The following CPED1 variants were observed in gnomAD, a reference collection of about 807,000 sequenced individuals.
CPED1 encodes the protein cadherin like and PC-esterase domain containing 1, also known as cadherin-like and PC-esterase domain-containing protein 1.
CPED1 carries 114 observed loss-of-function variants against 128.2 expected under a neutral mutation model. That is an observed-to-expected ratio of 0.89 (90% CI 0.76 to 1.04). The LOEUF is 1.04. Ranked by LOEUF, CPED1 falls within the 50% of genes least tolerant of loss-of-function variation. The probability of loss-of-function intolerance (pLI) is 0.00; values close to 1 mark genes in which losing one functional copy is unlikely to be tolerated. For synonymous variants in CPED1, 462 were observed against 426.7 expected (o/e 1.08, Z -1.02); for missense variants, 1,211 against 1,207.1 (o/e 1.00, Z -0.05).
chr7:121,100,950 C>CT (rs1389697438), intron 7 of CPED1, among the ~76,000 whole-genome samples: 1 of 152,024 alleles, frequency 6.6e-6, no homozygotes, highest in African/African-American at 2.4e-5. Flanking sequence ...AGTATGCTTT[C>CT]TTTTTCTCCT....
intron 3 of CPED1, among the ~76,000 whole-genome samples, chr7:121,036,838 G>T (rs1792908717): frequency 6.6e-6 from 1 of 152,100 alleles, no homozygotes; most frequent in Non-Finnish European, 1.5e-5. Context: ...CATTCTTGCA[G>T]GAGTGAGGTG....
intron 2 of CPED1, among the ~76,000 whole-genome samples, chr7:121,006,908 A>T (rs146917795): frequency 1.3e-5 from 2 of 152,174 alleles, no homozygotes; most frequent in African/African-American, 4.8e-5. Flanking sequence ...ATTTAGGAGA[A>T]GCAGAAAAGG....
chr7:121,136,679 G>A (rs1795792038), intron 14 of CPED1, among the ~76,000 whole-genome samples: 1 of 152,038 alleles, frequency 6.6e-6, no homozygotes, highest in Non-Finnish European at 1.5e-5. Context: ...TTTTTCCAAA[G>A]TCACAGGGTT....
Position 121,081,757 on chromosome 7 carries a change from G to A in CPED1, c.617-15942G>A, listed in dbSNP as rs933309503. Among the ~76,000 whole-genome samples, 7 of 152,282 alleles carry A rather than the reference G, an allele frequency of 4.6e-5. No homozygotes were observed. The South Asian group carries it at 1.4e-3, about 32-fold the overall frequency. On this transcript the variant is annotated intron_variant, in intron 5 of 22. Coordinates refer to ENST00000310396, the MANE Select transcript of CPED1 (RefSeq NM_024913.5). The stretch of plus-strand genomic sequence containing the variant: ...TTAGTACTCGCTTTTGGCTTGTTGT[G>A]TAGATAATTATGGTGGGCTTTATGA...
chr7:121,028,129 G>T (rs1195967098), intron 3 of CPED1, among the ~76,000 whole-genome samples: 1 of 152,102 alleles, frequency 6.6e-6, no homozygotes, highest in Non-Finnish European at 1.5e-5. Flanking sequence ...TCTCTGGAAG[G>T]CTTGTTAAGT....
chr7:121,087,238 T>G (rs1794447134), intron 5 of CPED1, among the ~76,000 whole-genome samples: 1 of 152,080 alleles, frequency 6.6e-6, no homozygotes, highest in South Asian at 2.1e-4. Flanking sequence ...ACACAATAAA[T>G]TTTTTGCCAA....
intron 22 of CPED1, among the ~76,000 whole-genome samples, chr7:121,275,947 A>C (rs918658832): frequency 2.0e-5 from 3 of 151,614 alleles, no homozygotes; most frequent in Admixed American, 6.6e-5. Context: ...AAAAAAAAAA[A>C]AACTGAAATA....
At chr7:120,999,243 A>G (rs899459086) in intron 2 of CPED1, among the ~76,000 whole-genome samples, 2 of 152,104 alleles carry the variant, frequency 1.3e-5, no homozygotes, top group Non-Finnish European at 2.9e-5. Flanking sequence ...TTACTGTACT[A>G]TCTCTTGGAC....
intron 17 of CPED1, among the ~76,000 whole-genome samples, chr7:121,239,168 G>A (rs1798328760): frequency 6.6e-6 from 1 of 152,122 alleles, no homozygotes; most frequent in Non-Finnish European, 1.5e-5. Flanking sequence ...GTTGATTTAG[G>A]AGCTCTGGAT....
intron 2 of CPED1, among the ~76,000 whole-genome samples, chr7:121,002,194 T>A (rs1193210267): frequency 1.3e-5 from 2 of 152,172 alleles, no homozygotes; most frequent in East Asian, 3.9e-4. Flanking sequence ...GGAAGTATAA[T>A]AGCATTCCAA....
intron 2 of CPED1, among the ~76,000 whole-genome samples, chr7:120,991,502 T>C (rs1460736356): frequency 6.6e-6 from 1 of 152,230 alleles, no homozygotes; most frequent in Non-Finnish European, 1.5e-5. Flanking sequence ...GTTGAGATAG[T>C]CTTGCTCTTA....
rs1453922783 is a variant in CPED1 at position 121,099,983 on chromosome 7, T to G, written c.807T>G (p.Ser269=). 1 of 1,613,722 alleles carries G rather than the reference T, an allele frequency of 6.2e-7. No individual in the cohort carries two copies. Among genetic ancestry groups the G allele is most frequent in the East Asian group, 2.2e-5 (1 of 44,884 alleles). ...CAATCTTTCGAGCCGAAGATCTATC[T>G]GTGATTCTTAAAGCGTATGTGTTGG... is the stretch of plus-strand genomic sequence containing the variant. ...HETIFRAEDL[S]VILKAYVLVT... is the part of the protein sequence containing the mutation. The change falls in exon 7 of 23, where the codon TCT becomes TCG. Residue 269 remains serine (S), a synonymous_variant. Transcript: ENST00000310396.
At position 121,039,421 on chromosome 7, in the gene CPED1, A is replaced by G. The variant is rs555427908; in HGVS notation, c.434-7466A>G. Among the ~76,000 whole-genome samples the G allele has an allele frequency of 5.9e-5, 9 of 152,028 alleles. No homozygotes were observed. The East Asian group carries it at 9.7e-4, about 16-fold the overall frequency. On this transcript the variant is annotated intron_variant, in intron 3 of 22. Coordinates refer to ENST00000310396, the MANE Select transcript of CPED1 (RefSeq NM_024913.5). ...CTTATCTTGTGTATTTCCTGCCCCA[A>G]CCCTTAAAACAGTCATTCCTCCAAC... is the stretch of plus-strand genomic sequence containing the variant.
intron 16 of CPED1, among the ~76,000 whole-genome samples, chr7:121,183,257 A>G (rs1046275511): frequency 4.6e-5 from 7 of 152,180 alleles, no homozygotes; most frequent in African/African-American, 1.7e-4. Context: ...GTCACCAGGA[A>G]ATAAAATGAC....
intron 7 of CPED1, among the ~76,000 whole-genome samples, chr7:121,103,878 A>G (rs1794910656): frequency 6.6e-6 from 1 of 152,114 alleles, no homozygotes; most frequent in South Asian, 2.1e-4. Flanking sequence ...ATTTATTTCC[A>G]ATTAGGTCTT....
intron 4 of CPED1, among the ~76,000 whole-genome samples, chr7:121,052,426 T>C (rs951678557): frequency 6.6e-6 from 1 of 152,214 alleles, no homozygotes; most frequent in African/African-American, 2.4e-5. Flanking sequence ...GTCAACCCTT[T>C]GCGCCATCAC....
chr7:121,093,552 C>T (rs1794627626), intron 5 of CPED1, among the ~76,000 whole-genome samples: 1 of 152,130 alleles, frequency 6.6e-6, no homozygotes, highest in African/African-American at 2.4e-5. Flanking sequence ...ATTCACTCTA[C>T]ACCCATCTCC....
At chr7:121,071,900 C>T (rs1191189243) in intron 5 of CPED1, among the ~76,000 whole-genome samples, 9 of 152,100 alleles carry the variant, frequency 5.9e-5, no homozygotes, top group African/African-American at 2.2e-4. Context: ...CTTTTATCAC[C>T]CACAACTGTC....
intron 16 of CPED1, among the ~76,000 whole-genome samples, chr7:121,199,615 T>G (rs1181102489): frequency 1.4e-5 from 2 of 140,342 alleles, no homozygotes; most frequent in African/African-American, 2.7e-5. Flanking sequence ...AGCTAGAGGT[T>G]GCAGTGATCC....
Sources: allele counts gnomAD v4.1 joint callset (sites outside exome capture counted in the v4.1 genomes callset), GRCh38; gene constraint gnomAD v4.1.1; transcripts MANE v1.5; gene names NCBI Gene and HGNC (gene_info 2026-07-23, HGNC 2026-07-21).